The following LIMCH1 variants were observed in gnomAD, a reference collection of about 807,000 sequenced individuals.
LIMCH1 encodes the protein LIM and calponin homology domains 1.
A neutral mutation model predicts 176.5 loss-of-function variants in LIMCH1; 113 were observed. The observed-to-expected ratio is 0.64, with a 90% confidence interval of 0.55 to 0.75. The LOEUF (loss-of-function observed/expected upper bound fraction) is 0.75. Ranked by LOEUF, LIMCH1 falls within the 30% of genes least tolerant of loss-of-function variation. LIMCH1 has a pLI of 0.00. For synonymous variants in LIMCH1, 619 were observed against 645.9 expected, an observed-to-expected ratio of 0.96 and a Z score of 0.63; for missense variants, 1,674 against 1,814.9, an observed-to-expected ratio of 0.92 and a Z score of 1.41.
At chr4:41,518,866 G>A (rs1477080423) in intron 2 of LIMCH1, among the ~76,000 whole-genome samples, 1 of 152,116 alleles carries the variant, frequency 6.6e-6, no homozygotes, top group East Asian at 1.9e-4. Flanking sequence ...AGTTTGGTGA[G>A]GATGATGGTT....
intron 23 of LIMCH1, among the ~76,000 whole-genome samples, chr4:41,676,934 G>C (rs2095237261): frequency 6.6e-6 from 1 of 152,060 alleles, no homozygotes; most frequent in African/African-American, 2.4e-5. Flanking sequence ...AGGCCGATGT[G>C]AGTGCATCAT....
chr4:41,481,954 G>T (rs1027897994), intron 1 of LIMCH1, among the ~76,000 whole-genome samples: 2 of 151,894 alleles, frequency 1.3e-5, no homozygotes, highest in Non-Finnish European at 2.9e-5. Context: ...GGGTTCAAGC[G>T]ATTCTTCTGC....
chr4:41,678,369 G>T (rs778950404), intron 23 of LIMCH1, among the ~76,000 whole-genome samples: 1 of 152,082 alleles, frequency 6.6e-6, no homozygotes, highest in Non-Finnish European at 1.5e-5. Context: ...CTTGCAGAAG[G>T]TTAAGCCTTC....
At chr4:41,639,718 T>G (rs1280604324) in intron 14 of LIMCH1, among the ~76,000 whole-genome samples, 1 of 152,248 alleles carries the variant, frequency 6.6e-6, no homozygotes, top group African/African-American at 2.4e-5. Flanking sequence ...GGCAAACTTT[T>G]TTTTATTTGC....
chr4:41,693,953 T>A (rs1297902933), intron 31 of LIMCH1, among the ~76,000 whole-genome samples: 1 of 152,158 alleles, frequency 6.6e-6, no homozygotes. Flanking sequence ...TCATCTAGAT[T>A]TTTTTAAATT....
intron 1 of LIMCH1, among the ~76,000 whole-genome samples, chr4:41,548,284 C>T (rs1330787168): frequency 6.6e-6 from 1 of 152,116 alleles, no homozygotes; most frequent in East Asian, 1.9e-4. Context: ...TTCTGTTTCT[C>T]ATTTGTAAAA....
At chr4:41,374,753 C>T (rs1012869488) in intron 1 of LIMCH1, among the ~76,000 whole-genome samples, 9 of 152,064 alleles carry the variant, frequency 5.9e-5, no homozygotes, top group African/African-American at 1.9e-4. Context: ...CTCTTTCCAC[C>T]GTGCTGTGCA....
intron 1 of LIMCH1, among the ~76,000 whole-genome samples, chr4:41,438,851 T>C (rs1161384882): frequency 6.6e-6 from 1 of 152,248 alleles, no homozygotes; most frequent in East Asian, 1.9e-4. Context: ...AGATGAGTCC[T>C]GCCATCACAT....
chr4:41,620,399 T>C (rs2092473150), intron 6 of LIMCH1, 25 bp from the exon 7 acceptor site: 1 of 1,529,698 alleles, frequency 6.5e-7, no homozygotes, highest in African/African-American at 1.4e-5. Context: ...GTTAGTTTGG[T>C]AAACCATATT....
At chr4:41,444,477 G>A (rs2063066600) in intron 1 of LIMCH1, among the ~76,000 whole-genome samples, 1 of 152,116 alleles carries the variant, frequency 6.6e-6, no homozygotes, top group Admixed American at 6.6e-5. Context: ...TTAAGGGTAG[G>A]TCAGTGGACC....
At chr4:41,501,034 C>A (rs1286295444) in intron 2 of LIMCH1, among the ~76,000 whole-genome samples, 1 of 152,080 alleles carries the variant, frequency 6.6e-6, no homozygotes, top group Non-Finnish European at 1.5e-5. Flanking sequence ...TCAAAATCAC[C>A]CCGGGAGATG....
At chr4:41,473,333 C>T (rs971292601) in intron 1 of LIMCH1, 4 of 265,426 alleles carry the variant, frequency 1.5e-5, no homozygotes, top group African/African-American at 9.2e-5. Context: ...GCTGAAGAGA[C>T]CCAGGCAGCA....
At chr4:41,569,002 A>T (rs987198256) in intron 1 of LIMCH1, among the ~76,000 whole-genome samples, 3 of 141,836 alleles carry the variant, frequency 2.1e-5, no homozygotes, top group Non-Finnish European at 2.9e-5. Context: ...TCATATAATT[A>T]AAAAAAACAA....
At chr4:41,383,593 A>G (rs1405965154) in intron 1 of LIMCH1, among the ~76,000 whole-genome samples, 2 of 152,126 alleles carry the variant, frequency 1.3e-5, no homozygotes, top group East Asian at 1.9e-4. Context: ...TCTTTGATTG[A>G]TTTTCAATCC....
intron 1 of LIMCH1, among the ~76,000 whole-genome samples, chr4:41,546,900 AG>A (rs1389246137): frequency 1.3e-5 from 2 of 152,190 alleles, no homozygotes; most frequent in African/African-American, 4.8e-5. Context: ...ACCGAGATTG[AG>A]ACAGAGAGAG....
At chr4:41,635,992 T>G (rs926709415) in intron 13 of LIMCH1, among the ~76,000 whole-genome samples, 2 of 152,116 alleles carry the variant, frequency 1.3e-5, no homozygotes, top group Non-Finnish European at 2.9e-5. Context: ...CTGCAGCATA[T>G]CCCTTCCAGA....
At chr4:41,524,650 C>G (rs1213673189) in intron 3 of LIMCH1, among the ~76,000 whole-genome samples, 1 of 152,170 alleles carries the variant, frequency 6.6e-6, no homozygotes, top group Non-Finnish European at 1.5e-5. Context: ...GCAGTCATGC[C>G]TAAATGGCAT....
rs774427362 is a variant in LIMCH1 at position 41,666,588 on chromosome 4, G to A, written c.3319G>A (p.Glu1107Lys). ...KVVKPKSPEPEATLTFPFLDK... is the reference protein window; with the variant it reads ...KVVKPKSPEPKATLTFPFLDK... Reference sequence around the variant, plus strand: ...GGTAAAGCCAAAATCTCCAGAACCCGAAGCAACGCTGACATTTCCATTTCT... The same window carrying A: ...GGTAAAGCCAAAATCTCCAGAACCCAAAGCAACGCTGACATTTCCATTTCT... Residue 1107 changes from glutamate to lysine, a missense_variant, in exon 21 of 32, where the codon GAA (glutamate) becomes AAA (lysine). By Grantham distance (56) the Glu-to-Lys change is moderately conservative (BLOSUM62 1). Around this residue, in one of 3 missense-constraint regions of LIMCH1, gnomAD observed 1,015 missense variants for 1,102.5 expected, o/e 0.92. Transcript: ENST00000503057. The A allele has an allele frequency of 6.8e-6, 11 of 1,613,884 alleles. No homozygotes were observed. In the East Asian group the frequency reaches 1.8e-4, roughly 26 times the overall value.
intron 1 of LIMCH1, among the ~76,000 whole-genome samples, chr4:41,548,557 G>A (rs2079925374): frequency 6.6e-6 from 1 of 152,148 alleles, no homozygotes. Context: ...TAATTGATCA[G>A]TCCATAATTC....
Sources: allele counts gnomAD v4.1 joint callset (sites outside exome capture counted in the v4.1 genomes callset), GRCh38; gene constraint gnomAD v4.1.1; regional missense constraint gnomAD v4.1.1; transcripts MANE v1.5; gene names NCBI Gene and HGNC (gene_info 2026-07-23, HGNC 2026-07-21).